PPP1R37: variants seen among roughly 807,000 people sequenced by gnomAD.
PPP1R37 encodes the protein protein phosphatase 1 regulatory subunit 37, also known as leucine rich repeat containing 68.
PPP1R37 carries 21 observed loss-of-function variants against 61.0 expected under a neutral mutation model. The ratio of observed to expected loss-of-function variants is 0.34; its 90% CI spans 0.24 to 0.50. The LOEUF is 0.50. PPP1R37 is among the 20% of genes least tolerant of loss of function. The pLI, the probability that PPP1R37 is intolerant of heterozygous loss-of-function variation, is 0.98. For missense variants in PPP1R37, 910 were observed against 952.7 expected (o/e 0.96, Z 0.59); for synonymous variants, 443 against 433.5 (o/e 1.02, Z -0.27).
chr19:45,119,077 C>T (rs1463300092), intron 1 of PPP1R37, among the ~76,000 whole-genome samples: 1 of 152,060 alleles, frequency 6.6e-6, no homozygotes, highest in African/African-American at 2.4e-5. Context: ...CAGCTTCCAC[C>T]TCCTGGGTTC....
Position 45,145,812 on chromosome 19 carries a change from T to TCCCCCCCCC in PPP1R37, c.1761_1762insCCCCCCCCC (p.Pro587_Thr588insProProPro). 8.1e-7 allele frequency: 1 copy of TCCCCCCCCC among 1,227,588 alleles called. No homozygotes were observed. The highest frequency in any genetic ancestry group is 1.1e-6 in the Non-Finnish European group (1 of 922,068). The allele number at this position is 1,227,588 out of a possible 1,614,324, so 76.0% of individuals were successfully genotyped here. A position where few individuals can be genotyped will look rare whatever the true frequency, so the allele number is the denominator to read the frequency against. ...GCCCGAGAGGGCAGAGCCCCCTGCG[T>TCCCCCCCCC]CCCCCACCCCTCCCTCTCCCCCACC... On this transcript the variant is annotated inframe_insertion, in exon 11 of 13. Coordinates refer to ENST00000221462, the MANE Select transcript of PPP1R37 (RefSeq NM_019121.2).
At chr19:45,099,200 C>T (rs1308370294) in intron 1 of PPP1R37, among the ~76,000 whole-genome samples, 5 of 152,182 alleles carry the variant, frequency 3.3e-5, no homozygotes, top group African/African-American at 1.2e-4. Flanking sequence ...TGTCCCACGT[C>T]AGCGTCCCTG....
At chr19:45,114,779 C>CAG (rs1487576420) in intron 1 of PPP1R37, among the ~76,000 whole-genome samples, 64 of 152,092 alleles carry the variant, frequency 4.2e-4, no homozygotes, top group Non-Finnish European at 8.2e-4. Flanking sequence ...GACCCCCCCC[C>CAG]CCATCTCCAC....
At chr19:45,127,658 G>T (rs533023420) in intron 1 of PPP1R37, among the ~76,000 whole-genome samples, 2 of 152,066 alleles carry the variant, frequency 1.3e-5, no homozygotes, top group Non-Finnish European at 2.9e-5. Context: ...GTAAAAAGGT[G>T]GACAGAGATT....
intron 1 of PPP1R37, among the ~76,000 whole-genome samples, chr19:45,113,627 G>A (rs887255701): frequency 1.3e-5 from 2 of 152,228 alleles, no homozygotes; most frequent in African/African-American, 4.8e-5. Context: ...TGGAAATGGG[G>A]AGACTGAGGA....
Position 45,145,388 on chromosome 19 carries a change from G to A in PPP1R37, c.1332G>A (p.Leu444=), listed in dbSNP as rs1647150490. ...KSFIETQKAL[L]AEIQNGCKRN... ...TCATCGAGACGCAGAAGGCGCTGCT[G>A]GCCGAGATCCAGAACGGCTGCAAGC... Residue 444 remains leucine (L), a synonymous_variant, in exon 11 of 13, where the codon CTG becomes CTA. Coordinates refer to ENST00000221462, the MANE Select transcript of PPP1R37 (RefSeq NM_019121.2). The A allele has an allele frequency of 6.5e-7, 1 of 1,535,280 alleles. No homozygotes were observed. The highest frequency in any genetic ancestry group is 8.7e-7 in the Non-Finnish European group (1 of 1,146,612).
At chr19:45,098,289 C>G (rs1450588762) in intron 1 of PPP1R37, among the ~76,000 whole-genome samples, 1 of 152,242 alleles carries the variant, frequency 6.6e-6, no homozygotes, top group African/African-American at 2.4e-5. Context: ...AAGGCCAAGG[C>G]CAGACTTACA....
chr19:45,115,722 C>G (rs1365570089), intron 1 of PPP1R37, among the ~76,000 whole-genome samples: 2 of 152,166 alleles, frequency 1.3e-5, no homozygotes, highest in African/African-American at 4.8e-5. Flanking sequence ...CATCTATAAT[C>G]CCAGCACTTT....
chr19:45,144,558 G>T, intron 8 of PPP1R37: 2 of 421,186 alleles, frequency 4.7e-6, no homozygotes, highest in South Asian at 4.6e-5. Flanking sequence ...GGGGGCTTCA[G>T]GGCGCTCAAG....
At chr19:45,112,718 C>T (rs1458035900) in intron 1 of PPP1R37, among the ~76,000 whole-genome samples, 3 of 152,222 alleles carry the variant, frequency 2.0e-5, no homozygotes, top group East Asian at 3.8e-4. Context: ...AGGGATGGGT[C>T]TGCCTTCCCG....
chr19:45,125,306 T>TA lies in PPP1R37; in HGVS notation c.203-13207dup, dbSNP rs562497749. Among the ~76,000 whole-genome samples, 1,263 of 151,818 alleles carry TA rather than the reference T, an allele frequency of 8.3e-3. 15 individuals carry two copies. Among genetic ancestry groups the TA allele is most frequent in the Non-Finnish European group, 0.015 (1,015 of 67,890 alleles). On this transcript the variant is annotated intron_variant, in intron 1 of 12. Coordinates refer to ENST00000221462, the MANE Select transcript of PPP1R37 (RefSeq NM_019121.2). ...GGTGAAACCCCGTCTCTACTAAAAA[T>TA]ACAAAAATTAGCCGGGTGTGGTGGC... is the stretch of plus-strand genomic sequence containing the variant.
In PPP1R37 at chr19:45,138,620, G is replaced by T; in HGVS notation, c.300+9G>T. ...TCCTCAGGCAGCTGCAGGTATGGGC[G>T]GGACAGGGTGGGTGCGTCCGGTGTG... On this transcript the variant is annotated intron_variant, in intron 2 of 12. Coordinates refer to ENST00000221462, the MANE Select transcript of PPP1R37 (RefSeq NM_019121.2). 1 of 1,449,038 alleles carries T rather than the reference G, an allele frequency of 6.9e-7. No homozygotes were observed. Among genetic ancestry groups the T allele is most frequent in the South Asian group, 1.2e-5 (1 of 82,236 alleles). 89.8% of individuals were successfully genotyped at this position (1,449,038 alleles called of 1,614,324 possible).
At chr19:45,131,289 C>T (rs1437050471) in intron 1 of PPP1R37, among the ~76,000 whole-genome samples, 1 of 152,174 alleles carries the variant, frequency 6.6e-6, no homozygotes, top group African/African-American at 2.4e-5. Context: ...CCCTGCCCGC[C>T]AGCTGCTGCA....
intron 1 of PPP1R37, among the ~76,000 whole-genome samples, chr19:45,127,892 T>C (rs1296490515): frequency 6.6e-6 from 1 of 151,234 alleles, no homozygotes; most frequent in Non-Finnish European, 1.5e-5. Context: ...GGAGAATCCC[T>C]TGAACCCGGG....
chr19:45,103,319 T>C (rs1968087481), intron 1 of PPP1R37, among the ~76,000 whole-genome samples: 1 of 152,226 alleles, frequency 6.6e-6, no homozygotes, highest in Non-Finnish European at 1.5e-5. Context: ...CCCATCTCAC[T>C]TCGCAGCGGA....
Position 45,113,335 on chromosome 19 carries a change from C to T in PPP1R37, c.202+19808C>T, listed in dbSNP as rs150331454. ...TCGTAACAGGAATCATAATAGCTAGCGTTGGTGGAACACCCACTGGGTGCC... is the reference window on the plus strand; with the variant it reads ...TCGTAACAGGAATCATAATAGCTAGTGTTGGTGGAACACCCACTGGGTGCC... On this transcript the variant is annotated intron_variant, in intron 1 of 12. Transcript: ENST00000221462. Among the ~76,000 whole-genome samples the T allele has an allele frequency of 2.6e-5, 4 of 152,362 alleles. No individual in the cohort carries two copies. In the South Asian group the frequency reaches 6.2e-4, roughly 24 times the overall value.
At chr19:45,124,593 A>G (rs901545191) in intron 1 of PPP1R37, among the ~76,000 whole-genome samples, 3 of 152,046 alleles carry the variant, frequency 2.0e-5, no homozygotes, top group African/African-American at 7.2e-5. Flanking sequence ...CCTGCCAGAC[A>G]AGAACCCCTG....
At chr19:45,123,914 C>T (rs936134008) in intron 1 of PPP1R37, among the ~76,000 whole-genome samples, 1 of 151,734 alleles carries the variant, frequency 6.6e-6, no homozygotes, top group East Asian at 2.0e-4. Context: ...CCTTCCTGGC[C>T]AGAACATCCC....
chr19:45,145,523 C>G lies in PPP1R37; in HGVS notation c.1467C>G (p.Ala489=). 2.0e-6 allele frequency: 3 copies of G among 1,534,270 alleles called. No individual in the cohort carries two copies. The highest frequency in any genetic ancestry group is 2.6e-6 in the Non-Finnish European group (3 of 1,146,080). The change falls in exon 11 of 13, where the codon GCC becomes GCG. Residue 489 remains alanine, a synonymous_variant. Coordinates refer to ENST00000221462, the MANE Select transcript of PPP1R37 (RefSeq NM_019121.2). ...AGCCCCAGCCCGACGACGAGCCCGCCGCTGGGGTGCAGAACGGGGCCCCCA... is the reference window on the plus strand; with the variant it reads ...AGCCCCAGCCCGACGACGAGCCCGCGGCTGGGGTGCAGAACGGGGCCCCCA... ...ATEPQPDDEP[A]AGVQNGAPSP...
Sources: gnomAD v4.1 joint callset for allele counts (sites outside exome capture counted in the v4.1 genomes callset) on GRCh38, gnomAD v4.1.1 for gene constraint, MANE v1.5 for transcripts, NCBI Gene and HGNC (gene_info 2026-07-23, HGNC 2026-07-21) for gene names.